The following ZNF479 variants were observed in gnomAD, a reference collection of about 807,000 sequenced individuals.
ZNF479 encodes KRAB zinc finger protein KR19.
ZNF479 carries 15 observed loss-of-function variants against 14.7 expected under a neutral mutation model. That is an observed-to-expected ratio of 1.02 (90% CI 0.68 to 1.57). The LOEUF is 1.57. ZNF479 is among the 40% of genes most tolerant of loss of function. The pLI is 0.00. For missense variants in ZNF479, 506 were observed against 615.1 expected, an observed-to-expected ratio of 0.82 and a Z score of 1.88; for synonymous variants, 145 against 211.5, an observed-to-expected ratio of 0.69 and a Z score of 2.73.
intron 3 of ZNF479, among the ~76,000 whole-genome samples, chr7:57,121,899 A>G (rs1482240549): frequency 1.4e-4 from 21 of 152,110 alleles, no homozygotes; most frequent in African/African-American, 4.1e-4. Flanking sequence ...ATTATGCTCA[A>G]TGAGAAAAAT....
intron 3 of ZNF479, among the ~76,000 whole-genome samples, chr7:57,121,487 C>T (rs572303099): frequency 6.6e-6 from 1 of 152,310 alleles, no homozygotes; most frequent in African/African-American, 2.4e-5. Context: ...AGCTTTAAGT[C>T]TTCTGAGCTC....
rs782664506 is a variant in ZNF479 at position 57,120,217 on chromosome 7, T to G, written c.1198A>C (p.Lys400Gln). The G allele has an allele frequency of 6.2e-7, 1 of 1,611,866 alleles. No individual in the cohort carries two copies. The highest frequency in any genetic ancestry group is 1.3e-5 in the African/African-American group (1 of 74,722). The change falls in exon 4 of 4, where the codon AAG (lysine) becomes CAG (glutamine). Residue 400 changes from lysine to glutamine, a missense_variant. Transcript: ENST00000319636. Reference sequence around the variant, plus strand: ...GGTCTCTCTCCAGTATGAATTCTCTTGTGGATAGTAAGTGCTGAGGAGCGC... The same window carrying G: ...GGTCTCTCTCCAGTATGAATTCTCTGGTGGATAGTAAGTGCTGAGGAGCGC... ...FRRSSALTIH[K>Q]RIHTGERPYK... is the part of the protein sequence containing the mutation.
chr7:57,131,571 A>AAAAC lies in ZNF479; in HGVS notation c.39+711_39+714dup, dbSNP rs913714588. Among the ~76,000 whole-genome samples the AAAAC allele has an allele frequency of 1.6e-4, 22 of 135,130 alleles. 2 individuals are homozygous for AAAAC. Among genetic ancestry groups the AAAAC allele is most frequent in the African/African-American group, 2.6e-4 (10 of 39,158 alleles). The allele number at this position is 135,130 out of a possible 152,430, so 88.7% of individuals were successfully genotyped here. ...GAGCGAGACTCCCTCTCAAAAATAA[A>AAAAC]AAACAAACAAACAAACAAAAAAAAA... is the stretch of plus-strand genomic sequence containing the variant. On this transcript the variant is annotated intron_variant, in intron 1 of 3. Transcript: ENST00000319636.
At position 57,120,678 on chromosome 7, in the gene ZNF479, C is replaced by G; in HGVS notation, c.737G>C (p.Cys246Ser). The G allele has an allele frequency of 6.2e-7, 1 of 1,613,596 alleles. No homozygotes were observed. Among genetic ancestry groups the G allele is most frequent in the Non-Finnish European group, 8.5e-7 (1 of 1,179,754 alleles). ...TGEKPYRCEE[C>S]GKAFSWSANL... is the part of the protein sequence containing the mutation. Reference sequence around the variant, plus strand: ...TGCAGACCAGCTAAAGGCTTTGCCACATTCCTCACATCTATATGGTTTCTC... The same window carrying G: ...TGCAGACCAGCTAAAGGCTTTGCCAGATTCCTCACATCTATATGGTTTCTC... The change falls in exon 4 of 4, where the codon TGT becomes TCT. Residue 246 changes from cysteine to serine, a missense_variant. Physicochemically the swap from Cys to Ser is moderately radical, Grantham distance 112. Coordinates refer to ENST00000319636, the MANE Select transcript of ZNF479 (RefSeq NM_001370129.2).
chr7:57,120,882 C>G lies in ZNF479; in HGVS notation c.533G>C (p.Arg178Thr). 6.2e-7 allele frequency: 1 copy of G among 1,613,868 alleles called. No individual in the cohort carries two copies. The highest frequency in any genetic ancestry group is 8.5e-7 in the Non-Finnish European group (1 of 1,179,944). The change falls in exon 4 of 4, where the codon AGA becomes ACA. Residue 178 changes from arginine (R) to threonine (T), a missense_variant. Around this residue, in one of 3 missense-constraint regions of ZNF479, gnomAD observed 420 missense variants for 474.2 expected, o/e 0.89. Transcript: ENST00000319636. ...TTTGAAATGTTTATTTCCAGTATAT[C>G]TTGTTTTATCTCTATTGGAATTTGA... ...KFSNSNRDKTRYTGNKHFKCN... is the reference protein window; with the variant it reads ...KFSNSNRDKTTYTGNKHFKCN...
In ZNF479 at chr7:57,120,938, A is replaced by C; in HGVS notation, c.477T>G (p.Thr159=). The C allele has an allele frequency of 1.2e-6, 2 of 1,614,004 alleles. No homozygotes were observed. Among genetic ancestry groups the C allele is most frequent in the Non-Finnish European group, 1.7e-6 (2 of 1,179,956 alleles). ...TACCAAAGACTTTGACATATTTATG[A>C]GTCTGAAATATTTTGTTTTGGGTAG... ...LSTTQNKIFQ[T]HKYVKVFGKF... is the part of the protein sequence containing the mutation. Residue 159 remains threonine (T), a synonymous_variant, in exon 4 of 4, where the codon ACT becomes ACG. Coordinates refer to ENST00000319636, the MANE Select transcript of ZNF479 (RefSeq NM_001370129.2).
intron 3 of ZNF479, among the ~76,000 whole-genome samples, chr7:57,124,267 C>G (rs1395147514): frequency 1.3e-5 from 2 of 152,072 alleles, no homozygotes; most frequent in African/African-American, 2.4e-5. Flanking sequence ...CACAAAAAGA[C>G]AGATAAAGAC....
intron 1 of ZNF479, 126 bp from the exon 2 acceptor site, chr7:57,126,844 G>C (rs965341783): frequency 2.0e-4 from 157 of 765,976 alleles, no homozygotes; most frequent in Middle Eastern, 1.6e-3. Flanking sequence ...ACTTACAAGA[G>C]TGACTAAAAT....
chr7:57,126,217 T>C (rs1786164671), intron 2 of ZNF479, 104 bp from the exon 3 acceptor site: 3 of 1,300,736 alleles, frequency 2.3e-6, no homozygotes, highest in Admixed American at 2.6e-5. Flanking sequence ...AGAAGATTAA[T>C]ATTGATTCAT....
At chr7:57,126,186 G>C in intron 2 of ZNF479, 73 bp from the exon 3 acceptor site, 1 of 1,437,982 alleles carries the variant, frequency 7.0e-7, no homozygotes, top group Admixed American at 2.2e-5. Context: ...ATTATGCTTA[G>C]AGGATATAAT....
intron 3 of ZNF479, among the ~76,000 whole-genome samples, chr7:57,123,829 T>A (rs1211120329): frequency 6.6e-6 from 1 of 151,696 alleles, no homozygotes; most frequent in Non-Finnish European, 1.5e-5. Flanking sequence ...TGAGAAAATC[T>A]GAGTCAAAAA....
chr7:57,126,193 TAATAGAA>T, intron 2 of ZNF479, 80 bp from the exon 3 acceptor site: 1 of 1,402,716 alleles, frequency 7.1e-7, no homozygotes, highest in African/African-American at 1.4e-5. Context: ...TTAGAGGATA[TAATAGAA>T]AATTCTAGAA....
chr7:57,129,233 T>C (rs1428637614), intron 1 of ZNF479, among the ~76,000 whole-genome samples: 3 of 152,188 alleles, frequency 2.0e-5, no homozygotes, highest in African/African-American at 4.8e-5. Context: ...CTTCCTATGA[T>C]GCAAAGGTTG....
At position 57,132,424 on chromosome 7, in the gene ZNF479, G is replaced by T. The variant is rs752256165; in HGVS notation, c.-100C>A. 9.3e-5 allele frequency: 148 copies of T among 1,591,094 alleles called. No homozygotes were observed. The highest frequency in any genetic ancestry group is 1.2e-4 in the Non-Finnish European group (134 of 1,161,666). ...GAGGAGAACTGCAGCTCTGGACGCA[G>T]AGAAACACAAAGGACCCGCAAAATT... On this transcript the variant is annotated 5_prime_UTR_variant, in exon 1 of 4. In the 5' UTR this introduces an upstream ATG that the reference lacks. Transcript: ENST00000319636.
At position 57,126,591 on chromosome 7, in the gene ZNF479, C is replaced by T. The variant is rs771746969; in HGVS notation, c.166+1G>A. On this transcript the variant is annotated splice_donor_variant, in intron 2 of 3. Transcript: ENST00000319636. LOFTEE classifies it high-confidence loss of function. The stretch of plus-strand genomic sequence containing the variant: ...GAATTATGTACTGAAGTTATCCTCA[C>T]CCAGGGAGACCAGGTTTCTGTAGTT... 1.2e-6 allele frequency: 2 copies of T among 1,612,956 alleles called. No homozygotes were observed. Among genetic ancestry groups the T allele is most frequent in the Non-Finnish European group, 1.7e-6 (2 of 1,179,716 alleles).
chr7:57,123,962 A>T (rs2115865829), intron 3 of ZNF479, among the ~76,000 whole-genome samples: 1 of 152,196 alleles, frequency 6.6e-6, no homozygotes, highest in South Asian at 2.1e-4. Context: ...TCTTCACTGT[A>T]TTCTTGCACA....
intron 3 of ZNF479, among the ~76,000 whole-genome samples, chr7:57,122,822 G>A (rs539034914): frequency 7.2e-4 from 109 of 152,024 alleles, no homozygotes; most frequent in Non-Finnish European, 1.4e-3. Context: ...CATTTACTAG[G>A]AATCTATAAT....
At chr7:57,127,758 G>T (rs1165333953) in intron 1 of ZNF479, among the ~76,000 whole-genome samples, 2 of 151,964 alleles carry the variant, frequency 1.3e-5, no homozygotes, top group Non-Finnish European at 2.9e-5. Context: ...ATTAACTCTA[G>T]AGTGGAAAAA....
chr7:57,125,515 T>G (rs1247413795), intron 3 of ZNF479, among the ~76,000 whole-genome samples: 1 of 150,870 alleles, frequency 6.6e-6, no homozygotes, highest in African/African-American at 2.4e-5. Context: ...TAAATATATA[T>G]AAAAAATTAA....
Sources: gnomAD v4.1 joint callset for allele counts (sites outside exome capture counted in the v4.1 genomes callset) on GRCh38, gnomAD v4.1.1 for gene constraint, gnomAD v4.1.1 regional missense constraint, MANE v1.5 for transcripts, NCBI Gene and HGNC (gene_info 2026-07-23, HGNC 2026-07-21) for gene names.